SNTG1: variants seen among roughly 807,000 people sequenced by gnomAD.
SNTG1 encodes syntrophin gamma 1.
A neutral mutation model predicts 74.7 loss-of-function variants in SNTG1; 39 were observed. The ratio of observed to expected loss-of-function variants is 0.52; its 90% CI spans 0.40 to 0.68. The LOEUF (loss-of-function observed/expected upper bound fraction) is 0.68, where lower values mean the gene tolerates loss of function less well. Ranked by LOEUF, SNTG1 falls within the 30% of genes least tolerant of loss-of-function variation. The pLI, the probability that SNTG1 is intolerant of heterozygous loss-of-function variation, is 0.00. For synonymous variants in SNTG1, 254 were observed against 217.1 expected (o/e 1.17, Z -1.49); for missense variants, 685 against 609.5 (o/e 1.12, Z -1.30).
chr8:50,489,642 T>C (rs545106251), intron 8 of SNTG1, among the ~76,000 whole-genome samples: 1 of 152,338 alleles, frequency 6.6e-6, no homozygotes, highest in Admixed American at 6.5e-5. Flanking sequence ...TCTTGTAAAT[T>C]TGTTTAAGCT....
intron 1 of SNTG1, among the ~76,000 whole-genome samples, chr8:50,138,652 T>A (rs1424206879): frequency 6.7e-6 from 1 of 148,308 alleles, no homozygotes; most frequent in African/African-American, 2.5e-5. Flanking sequence ...ATAATAATAA[T>A]AATAATAATA....
In SNTG1 at chr8:50,780,958, C is replaced by T. The variant is rs958596205; in HGVS notation, c.1396-11713C>T. On this transcript the variant is annotated intron_variant, in intron 18 of 18. Coordinates refer to ENST00000642720, the MANE Select transcript of SNTG1 (RefSeq NM_018967.5). ...CTTTATTTCTGCCTTTATTTCATTA[C>T]GTACCGAGTAGTCATTCAGGAGCAG... Among the ~76,000 whole-genome samples, 383 of 152,064 alleles carry T rather than the reference C, an allele frequency of 2.5e-3. 4 individuals carry two copies. Among genetic ancestry groups the T allele is most frequent in the Non-Finnish European group, 4.8e-3 (323 of 67,956 alleles).
intron 18 of SNTG1, among the ~76,000 whole-genome samples, chr8:50,780,266 T>A (rs1032746322): frequency 6.6e-5 from 10 of 152,208 alleles, no homozygotes; most frequent in Non-Finnish European, 1.5e-5. Context: ...TGGAATAGTT[T>A]CAGAAGGAAT....
At chr8:50,536,876 G>T in intron 11 of SNTG1, 68 bp downstream of exon 11, 2 of 1,575,596 alleles carry the variant, frequency 1.3e-6, no homozygotes, top group South Asian at 1.1e-5. Context: ...AAAACCTTTT[G>T]ACATATCACA....
chr8:50,243,961 T>C (rs967194366), intron 2 of SNTG1, among the ~76,000 whole-genome samples: 3 of 152,144 alleles, frequency 2.0e-5, no homozygotes, highest in African/African-American at 7.2e-5. Context: ...AGACCATTCT[T>C]GCATTGCTGT....
intron 2 of SNTG1, among the ~76,000 whole-genome samples, chr8:50,313,263 T>C (rs911883242): frequency 1.3e-5 from 2 of 150,008 alleles, no homozygotes; most frequent in East Asian, 3.9e-4. Flanking sequence ...ACAATGATTT[T>C]TTTGAATATG....
At chr8:50,072,836 C>T (rs558413903) in intron 1 of SNTG1, among the ~76,000 whole-genome samples, 21 of 152,208 alleles carry the variant, frequency 1.4e-4, no homozygotes, top group Non-Finnish European at 2.4e-4. Flanking sequence ...GTGCATATTC[C>T]GGTTTAACTG....
chr8:50,780,399 C>G (rs1325840443), intron 18 of SNTG1, among the ~76,000 whole-genome samples: 4 of 152,158 alleles, frequency 2.6e-5, no homozygotes, highest in South Asian at 2.1e-4. Flanking sequence ...CTGGTCTATT[C>G]AGAGAGTCAA....
chr8:50,155,873 A>G (rs937144474), intron 1 of SNTG1, among the ~76,000 whole-genome samples: 48 of 152,070 alleles, frequency 3.2e-4, no homozygotes, highest in African/African-American at 1.1e-3. Context: ...GATGAATAAA[A>G]CAAATACATC....
chr8:49,950,992 C>A (rs1456782645), intron 1 of SNTG1, among the ~76,000 whole-genome samples: 1 of 152,156 alleles, frequency 6.6e-6, no homozygotes, highest in Non-Finnish European at 1.5e-5. Context: ...CCGAACAATA[C>A]CTAAAACGTC....
chr8:49,932,597 G>GT (rs1210666271), intron 1 of SNTG1, among the ~76,000 whole-genome samples: 1 of 151,476 alleles, frequency 6.6e-6, no homozygotes, highest in Admixed American at 6.6e-5. Flanking sequence ...GATCCCTGTT[G>GT]TTTTTTTAAA....
At chr8:50,176,585 GA>G (rs1274662163) in intron 2 of SNTG1, among the ~76,000 whole-genome samples, 1 of 151,548 alleles carries the variant, frequency 6.6e-6, no homozygotes, top group Non-Finnish European at 1.5e-5. Flanking sequence ...CCCTAGACTG[GA>G]AAAAAAAGAG....
intron 1 of SNTG1, among the ~76,000 whole-genome samples, chr8:50,084,121 G>A (rs1193545654): frequency 2.6e-5 from 4 of 152,066 alleles, no homozygotes; most frequent in East Asian, 1.9e-4. Flanking sequence ...GGTTCATGTC[G>A]GGGGAAATGT....
intron 1 of SNTG1, among the ~76,000 whole-genome samples, chr8:50,171,910 C>T (rs1201301526): frequency 1.3e-5 from 2 of 152,156 alleles, no homozygotes; most frequent in African/African-American, 4.8e-5. Flanking sequence ...AGGCATCTCA[C>T]CTGCCTATCA....
intron 12 of SNTG1, among the ~76,000 whole-genome samples, chr8:50,574,421 ATATTTTTACTT>A (rs1223025082): frequency 6.6e-6 from 1 of 152,108 alleles, no homozygotes; most frequent in African/African-American, 2.4e-5. Context: ...TGCCTTAATT[ATATTTTTACTT>A]TAGAAATACA....
intron 1 of SNTG1, among the ~76,000 whole-genome samples, chr8:50,106,149 T>C (rs1485229196): frequency 3.9e-5 from 6 of 152,140 alleles, no homozygotes; most frequent in Non-Finnish European, 2.9e-5. Flanking sequence ...CTAACAGTTC[T>C]GCAGGCTTAA....
chr8:50,520,196 T>A (rs926722192), intron 9 of SNTG1, among the ~76,000 whole-genome samples: 1 of 152,132 alleles, frequency 6.6e-6, no homozygotes, highest in Non-Finnish European at 1.5e-5. Context: ...GGGGAAAGGA[T>A]TCCCTATTTA....
At chr8:49,961,165 A>T (rs941752328) in intron 1 of SNTG1, among the ~76,000 whole-genome samples, 3 of 152,192 alleles carry the variant, frequency 2.0e-5, no homozygotes, top group African/African-American at 7.2e-5. Flanking sequence ...CTTCATAAAC[A>T]TAGCTGGACT....
intron 17 of SNTG1, among the ~76,000 whole-genome samples, chr8:50,712,180 A>C (rs1176521234): frequency 6.6e-6 from 1 of 152,168 alleles, no homozygotes; most frequent in African/African-American, 2.4e-5. Context: ...GTTTCCTTGA[A>C]GTGGAGACAA....
Sources: allele counts gnomAD v4.1 joint callset (sites outside exome capture counted in the v4.1 genomes callset), GRCh38; gene constraint gnomAD v4.1.1; transcripts MANE v1.5; gene names NCBI Gene and HGNC (gene_info 2026-07-23, HGNC 2026-07-21).